Variants in PLCB1 observed in about 807,000 individuals in gnomAD.
PLCB1 encodes the protein 1-phosphatidylinositol 4,5-bisphosphate phosphodiesterase beta-1.
A neutral mutation model predicts 161.8 loss-of-function variants in PLCB1; 46 were observed. That is an observed-to-expected ratio of 0.28 (90% confidence interval 0.22 to 0.36). PLCB1 has a LOEUF of 0.36. PLCB1 is among the 10% of genes least tolerant of loss of function. The pLI is 1.00. For missense variants in PLCB1, 1,016 were observed against 1,472.5 expected, an observed-to-expected ratio of 0.69 and a Z score of 5.07; for synonymous variants, 517 against 503.7, an observed-to-expected ratio of 1.03 and a Z score of -0.35.
chr20:8,494,211 A>C (rs1983066924), intron 3 of PLCB1, among the ~76,000 whole-genome samples: 1 of 152,210 alleles, frequency 6.6e-6, no homozygotes, highest in African/African-American at 2.4e-5. Flanking sequence ...ATATTGGATA[A>C]ACTTAAGATT....
At chr20:8,384,416 C>T (rs1038895614) in intron 3 of PLCB1, among the ~76,000 whole-genome samples, 2 of 152,114 alleles carry the variant, frequency 1.3e-5, no homozygotes, top group Middle Eastern at 3.4e-3. Flanking sequence ...TAGTTAGCAG[C>T]TCCTCTAACC....
At chr20:8,655,518 A>G (rs1989433938) in intron 7 of PLCB1, among the ~76,000 whole-genome samples, 1 of 152,092 alleles carries the variant, frequency 6.6e-6, no homozygotes, top group South Asian at 2.1e-4. Flanking sequence ...GGAAGACAAA[A>G]TCCAGTTCAA....
Position 8,274,650 on chromosome 20 carries a change from T to A in PLCB1, c.178-96732T>A, listed in dbSNP as rs116400661. 5.0e-3 allele frequency among the ~76,000 whole-genome samples: 765 copies of A among 152,334 alleles called. 3 individuals are homozygous for A. The highest frequency in any genetic ancestry group is 0.018 in the African/African-American group (729 of 41,584). On this transcript the variant is annotated intron_variant, in intron 2 of 31. Coordinates refer to ENST00000338037, the MANE Select transcript of PLCB1 (RefSeq NM_015192.4). ...CATCTTGCTTCTTCTCTAAATTGTC[T>A]CTATTTCATCATCAAGGTCTATTTT... is the stretch of plus-strand genomic sequence containing the variant.
chr20:8,148,460 A>G (rs2051476840), intron 1 of PLCB1, among the ~76,000 whole-genome samples: 1 of 152,202 alleles, frequency 6.6e-6, no homozygotes, highest in African/African-American at 2.4e-5. Flanking sequence ...ACTGCATGTT[A>G]AGGATGTATA....
chr20:8,838,408 G>A (rs546058452), intron 31 of PLCB1, among the ~76,000 whole-genome samples: 8 of 152,304 alleles, frequency 5.3e-5, no homozygotes, highest in Non-Finnish European at 1.2e-4. Context: ...GGCAGAGTAG[G>A]GCTAATGGAG....
At chr20:8,383,085 A>G (rs1367373060) in intron 3 of PLCB1, among the ~76,000 whole-genome samples, 1 of 152,090 alleles carries the variant, frequency 6.6e-6, no homozygotes, top group Non-Finnish European at 1.5e-5. Flanking sequence ...TCCTGAATAT[A>G]CTTGTAAATT....
At chr20:8,167,714 CT>C (rs2051689799) in intron 2 of PLCB1, among the ~76,000 whole-genome samples, 1 of 152,148 alleles carries the variant, frequency 6.6e-6, no homozygotes, top group South Asian at 2.1e-4. Context: ...AGGGATTTCT[CT>C]TTTATCTTTT....
chr20:8,442,124 C>T (rs931017235), intron 3 of PLCB1, among the ~76,000 whole-genome samples: 1 of 151,864 alleles, frequency 6.6e-6, no homozygotes, highest in African/African-American at 2.4e-5. Context: ...GTAGTTTTTT[C>T]CTTATTTTTA....
At chr20:8,342,066 G>C (rs556034993) in intron 2 of PLCB1, among the ~76,000 whole-genome samples, 1 of 152,218 alleles carries the variant, frequency 6.6e-6, no homozygotes, top group African/African-American at 2.4e-5. Context: ...TGGTGAGACA[G>C]AACATCTTTA....
chr20:8,298,294 C>CAAA (rs11474417), intron 2 of PLCB1, among the ~76,000 whole-genome samples: 1,408 of 113,030 alleles, frequency 0.012, 35 homozygotes, highest in African/African-American at 0.04. Context: ...GACTATGTCT[C>CAAA]AAAAAAAAAA....
intron 2 of PLCB1, among the ~76,000 whole-genome samples, chr20:8,198,567 T>C (rs1034377631): frequency 3.9e-5 from 6 of 152,106 alleles, no homozygotes; most frequent in Non-Finnish European, 5.9e-5. Flanking sequence ...ATCTCACCTT[T>C]TGGGATCTTT....
At position 8,686,549 on chromosome 20, in the gene PLCB1, A is replaced by T. The variant is rs1990363192; in HGVS notation, c.1009+1471A>T. 2.0e-5 allele frequency among the ~76,000 whole-genome samples: 3 copies of T among 152,316 alleles called. No homozygotes were observed. The South Asian group carries it at 6.2e-4, about 32-fold the overall frequency. ...TGAGTCAGTAATACCAAAATGATTG[A>T]ATGACAAGACTGATTGGATATACAT... On this transcript the variant is annotated intron_variant, in intron 10 of 31. Coordinates refer to ENST00000338037, the MANE Select transcript of PLCB1 (RefSeq NM_015192.4).
intron 3 of PLCB1, among the ~76,000 whole-genome samples, chr20:8,523,082 A>G (rs895972509): frequency 2.6e-5 from 4 of 152,108 alleles, no homozygotes; most frequent in African/African-American, 9.7e-5. Flanking sequence ...GATGCTCATC[A>G]TCCTCTACAG....
intron 2 of PLCB1, among the ~76,000 whole-genome samples, chr20:8,266,086 C>A (rs1981941747): frequency 6.6e-6 from 1 of 152,106 alleles, no homozygotes; most frequent in Admixed American, 6.6e-5. Flanking sequence ...AGTGTTGAGG[C>A]TTTGTGTGTT....
intron 2 of PLCB1, among the ~76,000 whole-genome samples, chr20:8,283,562 TAAATC>T (rs1982978954): frequency 7.6e-6 from 1 of 131,180 alleles, no homozygotes; most frequent in South Asian, 2.4e-4. Context: ...ATAAATAAAA[TAAATC>T]AATCAATAAA....
chr20:8,541,600 GA>G (rs1555769071), intron 3 of PLCB1, among the ~76,000 whole-genome samples: 1 of 150,634 alleles, frequency 6.6e-6, no homozygotes, highest in Non-Finnish European at 1.5e-5. Context: ...AAGAAAGAAA[GA>G]AAGAAAGGAA....
In PLCB1 at chr20:8,381,423, G is replaced by A. The variant is rs552946608; in HGVS notation, c.246+9973G>A. ...TTTTTTTTGTTGTTGTTGTGTCTCTGCCAGGTTTTGGTAACAGGATGATGC... is the reference window on the plus strand; with the variant it reads ...TTTTTTTTGTTGTTGTTGTGTCTCTACCAGGTTTTGGTAACAGGATGATGC... On this transcript the variant is annotated intron_variant, in intron 3 of 31. Transcript: ENST00000338037. Among the ~76,000 whole-genome samples the A allele has an allele frequency of 3.3e-5, 5 of 152,230 alleles. No homozygotes were observed. In the East Asian group the frequency reaches 9.7e-4, roughly 29 times the overall value.
At chr20:8,373,496 G>C (rs1041208018) in intron 3 of PLCB1, among the ~76,000 whole-genome samples, 7 of 152,082 alleles carry the variant, frequency 4.6e-5, no homozygotes, top group African/African-American at 1.7e-4. Flanking sequence ...GAATTACCTG[G>C]GAAACTTTCA....
At chr20:8,657,917 G>T (rs1446964965) in intron 8 of PLCB1, among the ~76,000 whole-genome samples, 4 of 152,048 alleles carry the variant, frequency 2.6e-5, no homozygotes, top group African/African-American at 7.2e-5. Context: ...ATGGAAGACA[G>T]GTAAACAGTA....
Sources: gnomAD v4.1 joint callset for allele counts (sites outside exome capture counted in the v4.1 genomes callset) on GRCh38, gnomAD v4.1.1 for gene constraint, MANE v1.5 for transcripts, NCBI Gene and HGNC (gene_info 2026-07-23, HGNC 2026-07-21) for gene names.